The following ATR variants were observed in gnomAD, a reference collection of about 807,000 sequenced individuals.
ATR encodes ATR checkpoint kinase.
Under a neutral mutation model 305.3 loss-of-function variants are expected in ATR, and 142 were observed. The ratio of observed to expected loss-of-function variants is 0.47; its 90% CI spans 0.41 to 0.53. The LOEUF (loss-of-function observed/expected upper bound fraction) is 0.53, where lower values mean the gene tolerates loss of function less well. Ranked by LOEUF, ATR falls within the 20% of genes least tolerant of loss-of-function variation. ATR has a pLI of 0.00. For synonymous variants in ATR, 1,050 were observed against 1,068.1 expected (o/e 0.98, Z 0.33); for missense variants, 2,135 against 3,133.1 (o/e 0.68, Z 7.60).
At chr3:142,533,087 C>T (rs900764767) in intron 21 of ATR, among the ~76,000 whole-genome samples, 5 of 151,910 alleles carry the variant, frequency 3.3e-5, no homozygotes, top group African/African-American at 4.8e-5. Flanking sequence ...CTGCATGAGG[C>T]CAGGAGTTCA....
At chr3:142,492,042 A>G (rs1292448055) in intron 35 of ATR, among the ~76,000 whole-genome samples, 1 of 151,978 alleles carries the variant, frequency 6.6e-6, no homozygotes, top group East Asian at 1.9e-4. Flanking sequence ...CAAGTTTTAG[A>G]TTTTGTTGTC....
chr3:142,464,092 C>T (rs899861663), intron 41 of ATR, among the ~76,000 whole-genome samples: 1 of 152,052 alleles, frequency 6.6e-6, no homozygotes, highest in Non-Finnish European at 1.5e-5. Context: ...ACCAACAGAA[C>T]TGAAAAAATG....
intron 1 of ATR, among the ~76,000 whole-genome samples, chr3:142,575,840 A>C (rs2035419585): frequency 6.6e-6 from 1 of 152,214 alleles, no homozygotes; most frequent in South Asian, 2.1e-4. Context: ...TAAGCAAAAG[A>C]GGGATAAAAG....
In ATR at chr3:142,562,656, ATTGCTAGGG is replaced by A; in HGVS notation, c.737_745del (p.Ser246_Ile249delinsPhe). The A allele has an allele frequency of 3.7e-6, 6 of 1,614,102 alleles. No homozygotes were observed. Among genetic ancestry groups the A allele is most frequent in the Non-Finnish European group, 5.1e-6 (6 of 1,179,988 alleles). On this transcript the variant is annotated inframe_deletion, in exon 4 of 47. Coordinates refer to ENST00000350721, the MANE Select transcript of ATR (RefSeq NM_001184.4). ...CTGAAAAAGTTCTGTTAAAAAGCTA[ATTGCTAGGG>A]ATTTAATTTTTGGACTACCATACTC... is the stretch of plus-strand genomic sequence containing the variant.
At chr3:142,557,208 C>T (rs184622117) in intron 8 of ATR, among the ~76,000 whole-genome samples, 2 of 152,064 alleles carry the variant, frequency 1.3e-5, no homozygotes, top group Admixed American at 6.5e-5. Flanking sequence ...GAATCAAAGA[C>T]GCTCCATTTC....
chr3:142,450,300 T>C lies in ATR; in HGVS notation c.7762-698A>G. 3.2e-6 allele frequency: 3 copies of C among 934,452 alleles called. No homozygotes were observed. In the South Asian group the frequency reaches 4.1e-5, roughly 13 times the overall value. 57.9% of individuals were successfully genotyped at this position (934,452 alleles called of 1,614,324 possible). ...GCAGTTGCAAACCAGCTGCCGCTTA[T>C]TTCTTTGGTGAAGCACTTGAGCCAT... On this transcript the variant is annotated intron_variant, in intron 46 of 46. Transcript: ENST00000350721.
intron 45 of ATR, among the ~76,000 whole-genome samples, chr3:142,455,486 A>T (rs1018750161): frequency 6.6e-6 from 1 of 152,348 alleles, no homozygotes; most frequent in East Asian, 1.9e-4. Flanking sequence ...AAGTTGGAAC[A>T]CTCACACTTT....
At chr3:142,563,410 T>G (rs2108489375) in intron 3 of ATR, among the ~76,000 whole-genome samples, 1 of 152,346 alleles carries the variant, frequency 6.6e-6, no homozygotes, top group South Asian at 2.1e-4. Context: ...ATTTTGGTAA[T>G]TCTCAAAATA....
intron 30 of ATR, among the ~76,000 whole-genome samples, chr3:142,502,381 A>G (rs1052133146): frequency 2.0e-5 from 3 of 151,754 alleles, no homozygotes; most frequent in Non-Finnish European, 2.9e-5. Flanking sequence ...AATACTATGC[A>G]GCTATAAAAA....
At chr3:142,549,411 G>T (rs2034395867) in intron 15 of ATR, 68 bp downstream of exon 15, 1 of 1,122,584 alleles carries the variant, frequency 8.9e-7, no homozygotes, top group Non-Finnish European at 1.2e-6. Flanking sequence ...TTTCCTAGAA[G>T]AATGTTACAT....
intron 21 of ATR, among the ~76,000 whole-genome samples, chr3:142,533,360 G>A (rs998223733): frequency 6.6e-6 from 1 of 152,176 alleles, no homozygotes. Context: ...TAATGTTTGA[G>A]CATATATTTC....
chr3:142,541,021 A>G lies in ATR; in HGVS notation c.3464T>C (p.Leu1155Ser). 6.2e-7 allele frequency: 1 copy of G among 1,613,662 alleles called. No homozygotes were observed. Among genetic ancestry groups the G allele is most frequent in the Non-Finnish European group, 8.5e-7 (1 of 1,179,672 alleles). The stretch of plus-strand genomic sequence containing the variant: ...TCCCATTAACTTCATCAAAGACATC[A>G]AACTGTTCAAGGCCTATAGAGTTAA... ...IEDKKMALNS[L>S]MSLMKLMGPK... The change falls in exon 18 of 47, where the codon TTG (leucine) becomes TCG (serine). Residue 1155 changes from leucine (L) to serine (S), a missense_variant. Leu to Ser is a moderately radical substitution (Grantham distance 145). Coordinates refer to ENST00000350721, the MANE Select transcript of ATR (RefSeq NM_001184.4).
Position 142,578,666 on chromosome 3 carries a change from G to T in ATR, c.39C>A (p.Pro13=), listed in dbSNP as rs2108512657. Residue 13 remains proline (P), a synonymous_variant, in exon 1 of 47, where the codon CCC becomes CCA. Coordinates refer to ENST00000350721, the MANE Select transcript of ATR (RefSeq NM_001184.4). ...CCTACCTGCCCAGCTCCCGCAGGGC[G>T]GGGATCATGGAAGCCAGCTCCAGGC... ...EHGLELASMI[P]ALRELGSATP... is the part of the protein sequence containing the mutation. 6.2e-7 allele frequency: 1 copy of T among 1,613,296 alleles called. No homozygotes were observed. Among genetic ancestry groups the T allele is most frequent in the Non-Finnish European group, 8.5e-7 (1 of 1,179,772 alleles).
Position 142,535,211 on chromosome 3 carries a change from T to C in ATR, c.3820-6A>G, listed in dbSNP as rs553847803. On this transcript the variant is annotated splice_region_variant and splice_polypyrimidine_tract_variant and intron_variant, in intron 20 of 46. Coordinates refer to ENST00000350721, the MANE Select transcript of ATR (RefSeq NM_001184.4). Reference sequence around the variant, plus strand: ...TCAGTGCTCTCAGAGGTCTCCTATATACAAAGCACAGAGAGACAGAACTTA... The same window carrying C: ...TCAGTGCTCTCAGAGGTCTCCTATACACAAAGCACAGAGAGACAGAACTTA... 2.5e-6 allele frequency: 4 copies of C among 1,612,914 alleles called. No homozygotes were observed. In the South Asian group the frequency reaches 3.3e-5, roughly 13 times the overall value.
At chr3:142,507,841 A>T in intron 28 of ATR, 90 bp downstream of exon 28, 1 of 1,206,298 alleles carries the variant, frequency 8.3e-7, no homozygotes, top group East Asian at 2.5e-5. Context: ...TAAGCATAGC[A>T]TATAAAACAT....
Position 142,496,283 on chromosome 3 carries a change from T to TATATATAC in ATR, c.5898+77_5898+78insGTATATAT, listed in dbSNP as rs1309578285. On this transcript the variant is annotated intron_variant, in intron 34 of 46. Coordinates refer to ENST00000350721, the MANE Select transcript of ATR (RefSeq NM_001184.4). ...AGGAAGTACATAATTCCCGACTATA[T>TATATATAC]ATATATATATATATATATATATATA... is the stretch of plus-strand genomic sequence containing the variant. The TATATATAC allele has an allele frequency of 3.0e-3, 34 of 11,402 alleles. 8 individuals carry two copies. The highest frequency in any genetic ancestry group is 3.8e-3 in the Non-Finnish European group (25 of 6,512). 0.7% of individuals were successfully genotyped at this position (11,402 alleles called of 1,614,324 possible). A position where few individuals can be genotyped will look rare whatever the true frequency, so the allele number is the denominator to read the frequency against.
At chr3:142,472,020 C>G (rs1378587332) in intron 36 of ATR, 2 of 151,890 alleles carry the variant, frequency 1.3e-5, no homozygotes, top group African/African-American at 2.4e-5. Flanking sequence ...AGAATAATCT[C>G]CAGGTTCATC....
Position 142,550,172 on chromosome 3 carries a change from G to A in ATR, c.2936C>T (p.Ala979Val), listed in dbSNP as rs2108456140. 6.2e-7 allele frequency: 1 copy of A among 1,614,162 alleles called. No homozygotes were observed. Among genetic ancestry groups the A allele is most frequent in the Non-Finnish European group, 8.5e-7 (1 of 1,180,022 alleles). ...AAGATCAGGAAAGTCGAAAACGTTG[G>A]CAATTTCAGACAACGTATTTAAAGC... ...EMALNTLSEI[A>V]NVFDFPDLNR... The change falls in exon 14 of 47, where the codon GCC becomes GTC. Residue 979 changes from alanine to valine, a missense_variant. Transcript: ENST00000350721.
intron 21 of ATR, 66 bp downstream of exon 21, chr3:142,535,014 T>C: frequency 6.7e-7 from 1 of 1,500,742 alleles, no homozygotes; most frequent in Non-Finnish European, 9.1e-7. Flanking sequence ...TGTCATTTTG[T>C]CATCTTTTCT....
Sources: gnomAD v4.1 joint callset for allele counts (sites outside exome capture counted in the v4.1 genomes callset) on GRCh38, gnomAD v4.1.1 for gene constraint, MANE v1.5 for transcripts, NCBI Gene and HGNC (gene_info 2026-07-23, HGNC 2026-07-21) for gene names.